The following ACP2 variants were observed in gnomAD, a reference collection of about 807,000 sequenced individuals.
ACP2 encodes acid phosphatase 2, lysosomal.
ACP2 carries 35 observed loss-of-function variants against 54.7 expected under a neutral mutation model. That is an observed-to-expected ratio of 0.64 (90% CI 0.49 to 0.85). ACP2 has a LOEUF of 0.85. Ranked by LOEUF, ACP2 falls within the 40% of genes least tolerant of loss-of-function variation. The pLI, the probability that ACP2 is intolerant of heterozygous loss-of-function variation, is 0.00. For missense variants in ACP2, 492 were observed against 565.0 expected (o/e 0.87, Z 1.31); for synonymous variants, 210 against 224.4 (o/e 0.94, Z 0.57).
chr11:47,243,709 C>T (rs1953956319), intron 7 of ACP2, among the ~76,000 whole-genome samples: 1 of 152,128 alleles, frequency 6.6e-6, no homozygotes. Context: ...AGCAGGCATG[C>T]CCTTAGGTGC....
At chr11:47,245,242 C>G in intron 6 of ACP2, 63 bp downstream of exon 6, 1 of 1,548,914 alleles carries the variant, frequency 6.5e-7, no homozygotes, top group Non-Finnish European at 8.9e-7. Context: ...TTCTACCGTC[C>G]TGGTGACCTG....
intron 3 of ACP2, 24 bp from the exon 4 acceptor site, chr11:47,245,858 G>T (rs775255622): frequency 4.8e-6 from 2 of 420,086 alleles, no homozygotes. Context: ...AACACAAGTC[G>T]TGTGTGTGTG....
intron 3 of ACP2, among the ~76,000 whole-genome samples, chr11:47,246,709 C>T (rs903085531): frequency 6.6e-6 from 1 of 151,990 alleles, no homozygotes; most frequent in African/African-American, 2.4e-5. Context: ...AATCCTGTCT[C>T]TACTAAAAAT....
intron 9 of ACP2, 44 bp from the exon 10 acceptor site, chr11:47,242,942 C>T: frequency 6.2e-7 from 1 of 1,609,388 alleles, no homozygotes; most frequent in Non-Finnish European, 8.5e-7. Flanking sequence ...TCAGCCTGCC[C>T]ATCATGGGGT....
chr11:47,242,876 A>G lies in ACP2; in HGVS notation c.985T>C (p.Phe329Leu), dbSNP rs771791806. 1 of 1,613,296 alleles carries G rather than the reference A, an allele frequency of 6.2e-7. No individual in the cohort carries two copies. The highest frequency in any genetic ancestry group is 8.5e-7 in the Non-Finnish European group (1 of 1,179,420). The change falls in exon 10 of 11, where the codon TTT becomes CTT. Residue 329 changes from phenylalanine (F) to leucine (L), a missense_variant. Transcript: ENST00000672073. ...GGGGCCTTGTCACTCTCGTTCCGAA[A>G]GTACATCTCCACTGAGAAATTCCTG... ...DSGNFSVEMY[F>L]RNESDKAPWP...
chr11:47,242,683 G>A (rs1591011860), intron 10 of ACP2, 40 bp downstream of exon 10: 1 of 1,591,524 alleles, frequency 6.3e-7, no homozygotes, highest in Non-Finnish European at 8.6e-7. Flanking sequence ...CTGCAGGCTG[G>A]TCTAGGGCAT....
intron 1 of ACP2, 154 bp downstream of exon 1, chr11:47,248,522 G>A: frequency 6.4e-7 from 1 of 1,551,306 alleles, no homozygotes; most frequent in Non-Finnish European, 8.7e-7. Flanking sequence ...CATAAGCCAG[G>A]GCTCCAGGTC....
chr11:47,239,836 C>A lies in ACP2; in HGVS notation c.*280G>T. ...ATCCTAGGTCCTGAGTGAACACTGA[C>A]TGCCAGTTTACATCTCAGGTGTGTA... On this transcript the variant is annotated 3_prime_UTR_variant, in exon 11 of 11. Transcript: ENST00000672073. 2.5e-6 allele frequency: 1 copy of A among 407,488 alleles called. No homozygotes were observed. Among genetic ancestry groups the A allele is most frequent in the South Asian group, 4.3e-5 (1 of 23,390 alleles). 25.2% of individuals were successfully genotyped at this position (407,488 alleles called of 1,614,324 possible). A position where few individuals can be genotyped will look rare whatever the true frequency, so the allele number is the denominator to read the frequency against.
chr11:47,248,424 A>T (rs1954304200), intron 1 of ACP2: 1 of 1,535,948 alleles, frequency 6.5e-7, no homozygotes, highest in Non-Finnish European at 8.7e-7. Flanking sequence ...AGATAACCAA[A>T]GGCTTCTTTA....
At chr11:47,244,621 G>T (rs985010342) in intron 7 of ACP2, 114 bp downstream of exon 7, 1 of 793,900 alleles carries the variant, frequency 1.3e-6, no homozygotes, top group Non-Finnish European at 1.8e-6. Context: ...ATTTGGTTTT[G>T]AAAGAGCAGG....
At position 47,242,145 on chromosome 11, in the gene ACP2, G is replaced by C. The variant is rs541020990; in HGVS notation, c.1138+578C>G. On this transcript the variant is annotated intron_variant, in intron 10 of 10. Transcript: ENST00000672073. ...GTAATGCTGCTGAGAGGTGAGAGAA[G>C]CTAAGAATTAGTCACTGGCTTTGGT... is the stretch of plus-strand genomic sequence containing the variant. 2.6e-5 allele frequency among the ~76,000 whole-genome samples: 4 copies of C among 152,360 alleles called. No individual in the cohort carries two copies. In the South Asian group the frequency reaches 6.2e-4, roughly 24 times the overall value.
chr11:47,247,922 C>A, intron 2 of ACP2, 116 bp downstream of exon 2: 1 of 1,019,060 alleles, frequency 9.8e-7, no homozygotes, highest in South Asian at 1.6e-5. Flanking sequence ...GAAATCTGGT[C>A]AAAGTCAGCA....
Position 47,248,079 on chromosome 11 carries a change from G to C in ACP2, c.169C>G (p.Gln57Glu). 2 of 1,610,914 alleles carry C rather than the reference G, an allele frequency of 1.2e-6. No homozygotes were observed. Among genetic ancestry groups the C allele is most frequent in the Non-Finnish European group, 1.7e-6 (2 of 1,179,148 alleles). The change falls in exon 2 of 11, where the codon CAG becomes GAG. Residue 57 changes from glutamine to glutamate, a missense_variant. Gln to Glu is a conservative substitution (Grantham distance 29, BLOSUM62 2). Transcript: ENST00000672073. ...AACCCCTGGGGCCATTCTTCTTCCT[G>C]ATAGGGGTCCTTGGGATATGTCTTC... ...PVKTYPKDPY[Q>E]EEEWPQGFGQ...
intron 1 of ACP2, 53 bp downstream of exon 1, chr11:47,248,623 G>A: frequency 1.9e-6 from 3 of 1,570,206 alleles, no homozygotes; most frequent in Non-Finnish European, 2.6e-6. Context: ...CCACCAGCTG[G>A]CCTTTGCCCT....
At chr11:47,244,647 G>A (rs964976517) in intron 7 of ACP2, 88 bp downstream of exon 7, 1 of 1,069,644 alleles carries the variant, frequency 9.3e-7, no homozygotes, top group African/African-American at 1.6e-5. Flanking sequence ...TTTCAGTAGA[G>A]AGGGAAGTGT....
intron 3 of ACP2, 94 bp from the exon 4 acceptor site, chr11:47,245,928 G>A: frequency 7.9e-7 from 1 of 1,269,350 alleles, no homozygotes; most frequent in Non-Finnish European, 1.0e-6. Flanking sequence ...TTGTATGTAT[G>A]TGTGTGTGTG....
chr11:47,244,837 C>G lies in ACP2; in HGVS notation c.670G>C (p.Ala224Pro). ...AGACGCTGCATGGTTTGGGGTGAGG[C>G]CCAGGGCGGCAGGCGCAGCCCGTGC... ...QTHGLRLPPW[A>P]SPQTMQRLSR... Residue 224 changes from alanine to proline, a missense_variant, in exon 7 of 11, where the codon GCC becomes CCC. Transcript: ENST00000672073. The G allele has an allele frequency of 6.2e-7, 1 of 1,611,042 alleles. No individual in the cohort carries two copies. The highest frequency in any genetic ancestry group is 8.5e-7 in the Non-Finnish European group (1 of 1,177,724).
At chr11:47,248,318 C>CA in intron 1 of ACP2, 185 bp from the exon 2 acceptor site, 1 of 1,052,402 alleles carries the variant, frequency 9.5e-7, no homozygotes, top group Non-Finnish European at 1.4e-6. Context: ...CTTAGCTAAG[C>CA]AATGCTACTG....
chr11:47,244,474 C>T (rs1429549939), intron 7 of ACP2, among the ~76,000 whole-genome samples: 2 of 152,054 alleles, frequency 1.3e-5, no homozygotes, highest in Non-Finnish European at 1.5e-5. Context: ...AAGATCGAGC[C>T]ATTGCACTCC....
Sources: gnomAD v4.1 joint callset for allele counts (sites outside exome capture counted in the v4.1 genomes callset) on GRCh38, gnomAD v4.1.1 for gene constraint, MANE v1.5 for transcripts, NCBI Gene and HGNC (gene_info 2026-07-23, HGNC 2026-07-21) for gene names.